The following LRP1B variants were observed in gnomAD, a reference collection of about 807,000 sequenced individuals.
LRP1B encodes low-density lipoprotein receptor-related protein 1B.
In LRP1B, 217 loss-of-function variants were observed where a neutral mutation model predicts 556.6. The observed-to-expected ratio is 0.39, with a 90% confidence interval of 0.35 to 0.44. LRP1B has a LOEUF of 0.44. LRP1B is among the 20% of genes least tolerant of loss of function. The probability of loss-of-function intolerance (pLI) is 1.00; values close to 1 mark genes in which losing one functional copy is unlikely to be tolerated. For synonymous variants in LRP1B, 2,047 were observed against 1,865.8 expected (o/e 1.10, Z -2.50); for missense variants, 5,053 against 5,620.8 (o/e 0.90, Z 3.23).
intron 2 of LRP1B, among the ~76,000 whole-genome samples, chr2:141,654,765 T>G (rs1256037131): frequency 1.3e-5 from 2 of 152,166 alleles, no homozygotes; most frequent in Non-Finnish European, 2.9e-5. Flanking sequence ...GATGCACATG[T>G]ACAATATCTT....
Position 141,254,552 on chromosome 2 carries a change from C to A in LRP1B, c.433G>T (p.Glu145Ter). 2 of 1,612,006 alleles carry A rather than the reference C, an allele frequency of 1.2e-6. No individual in the cohort carries two copies. The highest frequency in any genetic ancestry group is 2.2e-5 in the East Asian group (1 of 44,728). Reference protein sequence around the residue: ...STRCYCEDGFEITEDGRSCKD... With the variant: ...STRCYCEDGF Reference sequence around the variant, plus strand: ...CAGCTTCTCCCATCTTCTGTTATTTCGAATCCATCCTCACAGTAACATCTT... The same window carrying A: ...CAGCTTCTCCCATCTTCTGTTATTTAGAATCCATCCTCACAGTAACATCTT... The change falls in exon 4 of 91, where the codon GAA (glutamate) becomes TAA (stop). Residue 145 changes from glutamate to a stop codon, truncating the protein, a stop_gained. Transcript: ENST00000389484. LOFTEE classifies it high-confidence loss of function.
chr2:141,062,407 T>A (rs1412196349), intron 7 of LRP1B, 134 bp from the exon 8 acceptor site: 6 of 605,526 alleles, frequency 9.9e-6, no homozygotes. Context: ...ATATAACCAT[T>A]TCCTTATAAT....
At chr2:141,384,382 T>C (rs1034831396) in intron 3 of LRP1B, among the ~76,000 whole-genome samples, 42 of 152,292 alleles carry the variant, frequency 2.8e-4, no homozygotes, top group Non-Finnish European at 5.3e-4. Flanking sequence ...TTATGAGTCT[T>C]CTTTTAATTT....
In LRP1B at chr2:141,683,137, A is replaced by G. The variant is rs147259352; in HGVS notation, c.205+127142T>C. Among the ~76,000 whole-genome samples, 610 of 152,210 alleles carry G rather than the reference A, an allele frequency of 4.0e-3. 5 individuals carry two copies. The highest frequency in any genetic ancestry group is 0.014 in the African/African-American group (580 of 41,540). ...TAAGCCCCAGCAACAGGAACCTAAT[A>G]CAGATTTTGGTACTGGAAGTGGGGT... On this transcript the variant is annotated intron_variant, in intron 2 of 90. Transcript: ENST00000389484.
chr2:141,171,094 T>C (rs1185228208), intron 7 of LRP1B, among the ~76,000 whole-genome samples: 1 of 152,132 alleles, frequency 6.6e-6, no homozygotes, highest in Non-Finnish European at 1.5e-5. Context: ...ATATACCTCC[T>C]GTCTTCCTCA....
chr2:140,687,664 T>A (rs921640789), intron 41 of LRP1B, among the ~76,000 whole-genome samples: 3 of 152,096 alleles, frequency 2.0e-5, no homozygotes, highest in African/African-American at 4.8e-5. Context: ...CTCACAATAG[T>A]AGGTTGAATA....
At chr2:140,246,081 G>T (rs1371813233) in intron 87 of LRP1B, among the ~76,000 whole-genome samples, 1 of 151,330 alleles carries the variant, frequency 6.6e-6, no homozygotes, top group African/African-American at 2.4e-5. Flanking sequence ...CTGTCTGGGG[G>T]CAGAGACAAC....
chr2:141,368,680 T>C (rs1045185914), intron 3 of LRP1B, among the ~76,000 whole-genome samples: 2 of 152,198 alleles, frequency 1.3e-5, no homozygotes, highest in Non-Finnish European at 2.9e-5. Flanking sequence ...ACTGAAATGA[T>C]AATGCTTTAT....
chr2:141,260,128 G>C (rs1379873658), intron 3 of LRP1B, among the ~76,000 whole-genome samples: 12 of 152,002 alleles, frequency 7.9e-5, no homozygotes, highest in Admixed American at 7.9e-4. Flanking sequence ...TGTTTGGTAA[G>C]TTCTCTCAAA....
At chr2:140,329,497 C>T (rs570719608) in intron 79 of LRP1B, among the ~76,000 whole-genome samples, 76 of 151,980 alleles carry the variant, frequency 5.0e-4, no homozygotes, top group African/African-American at 1.6e-3. Context: ...TAGAAAACCC[C>T]GTCTTCTCAG....
intron 3 of LRP1B, among the ~76,000 whole-genome samples, chr2:141,421,335 C>T (rs938098829): frequency 1.8e-4 from 28 of 151,812 alleles, no homozygotes; most frequent in South Asian, 8.3e-4. Context: ...GAGACCATCC[C>T]GGCTAAAACG....
rs1326291452 is a variant in LRP1B, at chr2:140,245,592, A to AC, written c.13324+1493_13324+1494insG. 9.9e-5 allele frequency among the ~76,000 whole-genome samples: 15 copies of AC among 151,444 alleles called. No homozygotes were observed. In the East Asian group the frequency reaches 2.7e-3, roughly 28 times the overall value. On this transcript the variant is annotated intron_variant, in intron 87 of 90. Transcript: ENST00000389484. ...TCTACAGCTTGATAACTTCAAATGC[A>AC]TTTTTTTATTAATGCTTTTAACGAT...
At chr2:140,914,641 C>T (rs1352574154) in intron 21 of LRP1B, among the ~76,000 whole-genome samples, 1 of 151,906 alleles carries the variant, frequency 6.6e-6, no homozygotes, top group African/African-American at 2.4e-5. Flanking sequence ...AGAATATCTA[C>T]AATGCTGGAC....
chr2:140,841,942 T>C (rs1692119792), intron 29 of LRP1B, among the ~76,000 whole-genome samples: 1 of 152,188 alleles, frequency 6.6e-6, no homozygotes, highest in African/African-American at 2.4e-5. Flanking sequence ...TGATTTTGGT[T>C]TTACTTTAAA....
intron 18 of LRP1B, among the ~76,000 whole-genome samples, chr2:140,975,271 GA>G (rs1467331697): frequency 1.3e-5 from 2 of 152,050 alleles, no homozygotes; most frequent in African/African-American, 4.8e-5. Context: ...GAAGAGAGAA[GA>G]AATGAAAAGG....
intron 1 of LRP1B, among the ~76,000 whole-genome samples, chr2:142,026,581 A>T (rs1274017367): frequency 6.6e-6 from 1 of 152,140 alleles, no homozygotes; most frequent in Non-Finnish European, 1.5e-5. Context: ...AGGTAAGTTT[A>T]CTGAAAGGCT....
chr2:141,398,048 C>A (rs1374771910), intron 3 of LRP1B, among the ~76,000 whole-genome samples: 2 of 152,056 alleles, frequency 1.3e-5, no homozygotes, highest in Admixed American at 1.3e-4. Flanking sequence ...CATCGTATCA[C>A]CTTTTCTTAT....
Position 140,238,251 on chromosome 2 carries a change from A to C in LRP1B, c.13461T>G (p.Asn4487Lys), listed in dbSNP as rs1248531730. The C allele has an allele frequency of 6.3e-7, 1 of 1,575,464 alleles. No homozygotes were observed. The highest frequency in any genetic ancestry group is 8.7e-7 in the Non-Finnish European group (1 of 1,147,258). The change falls in exon 89 of 91, where the codon AAT becomes AAG. Residue 4487 changes from asparagine to lysine, a missense_variant. Transcript: ENST00000389484. ...TATAAGATGGATTGCCAATTTCTAC[A>C]TTTATTCCTCCATTGATAATAGGTT... ...RRQPIINGGI[N>K]VEIGNPSYNM...
At chr2:141,824,421 G>A (rs1018206995) in intron 1 of LRP1B, among the ~76,000 whole-genome samples, 1 of 152,104 alleles carries the variant, frequency 6.6e-6, no homozygotes. Context: ...ATGCAGTGGC[G>A]CGATCTCGGC....
Sources: gnomAD v4.1 joint callset for allele counts (sites outside exome capture counted in the v4.1 genomes callset) on GRCh38, gnomAD v4.1.1 for gene constraint, MANE v1.5 for transcripts, NCBI Gene and HGNC (gene_info 2026-07-23, HGNC 2026-07-21) for gene names.